Variants in PTPRN2 observed in about 807,000 individuals in gnomAD.
PTPRN2 encodes the protein receptor-type tyrosine-protein phosphatase N2.
PTPRN2 carries 74 observed loss-of-function variants against 118.8 expected under a neutral mutation model. The observed-to-expected ratio is 0.62, with a 90% CI of 0.52 to 0.76. The LOEUF (loss-of-function observed/expected upper bound fraction) is 0.76, where lower values mean the gene tolerates loss of function less well. Ranked by LOEUF, PTPRN2 falls within the 30% of genes least tolerant of loss-of-function variation. The probability of loss-of-function intolerance (pLI) is 0.00; values close to 1 mark genes in which losing one functional copy is unlikely to be tolerated. For missense variants in PTPRN2, 1,481 were observed against 1,394.4 expected (o/e 1.06, Z -0.99); for synonymous variants, 641 against 608.0 (o/e 1.05, Z -0.80).
intron 12 of PTPRN2, among the ~76,000 whole-genome samples, chr7:157,848,844 G>A (rs1324917117): frequency 1.3e-5 from 2 of 152,226 alleles, no homozygotes; most frequent in African/African-American, 2.4e-5. Context: ...CAGCCCCGAC[G>A]CCTCTGCAGT....
At chr7:158,269,794 A>T (rs1190050445) in intron 3 of PTPRN2, among the ~76,000 whole-genome samples, 1 of 152,098 alleles carries the variant, frequency 6.6e-6, no homozygotes, top group Non-Finnish European at 1.5e-5. Flanking sequence ...AGACAAAGGG[A>T]GCAGGAGAGG....
intron 2 of PTPRN2, among the ~76,000 whole-genome samples, chr7:158,366,541 A>C (rs1809540743): frequency 6.6e-6 from 1 of 152,190 alleles, no homozygotes; most frequent in African/African-American, 2.4e-5. Flanking sequence ...GGAGATAATG[A>C]GGAATCGCCA....
chr7:158,342,582 C>T (rs1349482416), intron 2 of PTPRN2, among the ~76,000 whole-genome samples: 3 of 151,902 alleles, frequency 2.0e-5, no homozygotes, highest in Non-Finnish European at 4.4e-5. Context: ...CTGCAGACGT[C>T]GCTCACACCC....
intron 2 of PTPRN2, among the ~76,000 whole-genome samples, chr7:158,414,162 T>C (rs963415950): frequency 3.4e-5 from 5 of 148,898 alleles, no homozygotes; most frequent in African/African-American, 1.0e-4. Flanking sequence ...ACCAAGTGAG[T>C]ACCGTGCACT....
intron 1 of PTPRN2, among the ~76,000 whole-genome samples, chr7:158,539,101 A>G (rs1406622614): frequency 6.6e-6 from 1 of 152,220 alleles, no homozygotes; most frequent in African/African-American, 2.4e-5. Context: ...CAGCCAGCAC[A>G]GCCTGCAACG....
intron 1 of PTPRN2, among the ~76,000 whole-genome samples, chr7:158,539,111 G>A (rs915248798): frequency 6.6e-6 from 1 of 152,138 alleles, no homozygotes; most frequent in African/African-American, 2.4e-5. Flanking sequence ...AGCCTGCAAC[G>A]ACCACACTGG....
At chr7:158,190,815 C>T (rs905473452) in intron 5 of PTPRN2, among the ~76,000 whole-genome samples, 10 of 152,370 alleles carry the variant, frequency 6.6e-5, no homozygotes, top group African/African-American at 7.2e-5. Context: ...GTTTGGCGGC[C>T]GTGGACAGAC....
intron 2 of PTPRN2, among the ~76,000 whole-genome samples, chr7:158,445,024 C>G (rs1817628759): frequency 6.6e-6 from 1 of 152,242 alleles, no homozygotes; most frequent in Non-Finnish European, 1.5e-5. Context: ...AGACCTGCCA[C>G]CGTGACTTCT....
chr7:157,626,596 C>T (rs1404046884), intron 14 of PTPRN2, among the ~76,000 whole-genome samples: 6 of 152,170 alleles, frequency 3.9e-5, no homozygotes, highest in African/African-American at 7.2e-5. Flanking sequence ...CTGTGGCATT[C>T]GTCACATTCT....
At chr7:158,316,080 A>C (rs1311852531) in intron 3 of PTPRN2, among the ~76,000 whole-genome samples, 2 of 152,186 alleles carry the variant, frequency 1.3e-5, no homozygotes, top group Non-Finnish European at 2.9e-5. Context: ...ACATGACATC[A>C]TTCCCCGAGG....
chr7:157,673,353 C>G (rs1796504184), intron 13 of PTPRN2, among the ~76,000 whole-genome samples: 1 of 152,218 alleles, frequency 6.6e-6, no homozygotes, highest in Non-Finnish European at 1.5e-5. Flanking sequence ...CAGTAATTCT[C>G]CCAAAGCAGA....
At chr7:157,821,480 G>C (rs1046247235) in intron 12 of PTPRN2, among the ~76,000 whole-genome samples, 2 of 152,208 alleles carry the variant, frequency 1.3e-5, no homozygotes, top group Non-Finnish European at 2.9e-5. Flanking sequence ...GCCTGAGAAA[G>C]AGCAGCCAGA....
At chr7:158,365,526 C>G (rs548611382) in intron 2 of PTPRN2, among the ~76,000 whole-genome samples, 17 of 152,346 alleles carry the variant, frequency 1.1e-4, no homozygotes, top group Admixed American at 8.5e-4. Flanking sequence ...GGAAACAGCA[C>G]GTGCTCCAGC....
intron 11 of PTPRN2, among the ~76,000 whole-genome samples, chr7:157,922,327 G>A (rs750732306): frequency 9.2e-5 from 14 of 152,144 alleles, no homozygotes; most frequent in Non-Finnish European, 1.8e-4. Context: ...TTTCCTGGGC[G>A]ATGGGGCCAG....
intron 22 of PTPRN2, among the ~76,000 whole-genome samples, chr7:157,546,194 T>C (rs375122195): frequency 6.6e-6 from 1 of 152,234 alleles, no homozygotes; most frequent in East Asian, 1.9e-4. Flanking sequence ...TTATCTGGAG[T>C]GCAGAAAACG....
At chr7:158,540,613 C>T (rs959116061) in intron 1 of PTPRN2, among the ~76,000 whole-genome samples, 2 of 152,178 alleles carry the variant, frequency 1.3e-5, no homozygotes, top group African/African-American at 4.8e-5. Flanking sequence ...GACAGCAGAG[C>T]GTCACCACCC....
intron 3 of PTPRN2, among the ~76,000 whole-genome samples, chr7:158,255,068 G>T (rs1796939993): frequency 6.6e-6 from 1 of 152,164 alleles, no homozygotes; most frequent in Non-Finnish European, 1.5e-5. Flanking sequence ...TCTTTGTATA[G>T]AGGTTCCTGT....
intron 11 of PTPRN2, among the ~76,000 whole-genome samples, chr7:158,077,611 C>A (rs1015688093): frequency 2.0e-5 from 3 of 150,650 alleles, no homozygotes; most frequent in Non-Finnish European, 4.4e-5. Context: ...TCCGTGGCGC[C>A]CGAGAGGGAA....
Position 157,540,014 on chromosome 7 carries a change from G to A in PTPRN2, c.*700C>T, listed in dbSNP as rs139630979. On this transcript the variant is annotated 3_prime_UTR_variant, in exon 23 of 23. Transcript: ENST00000389418. ...GGGGTGCATCTGTAACTTTGCAAAG[G>A]TGAGGTCAGGGGAGTGCCAGCCTCA... 1 of 152,348 alleles carries A rather than the reference G, an allele frequency of 6.6e-6. No individual in the cohort carries two copies. The highest frequency in any genetic ancestry group is 1.5e-5 in the Non-Finnish European group (1 of 68,034). 9.4% of individuals were successfully genotyped at this position (152,348 alleles called of 1,614,324 possible).
Sources: gnomAD v4.1 joint callset for allele counts (sites outside exome capture counted in the v4.1 genomes callset) on GRCh38, gnomAD v4.1.1 for gene constraint, MANE v1.5 for transcripts, NCBI Gene and HGNC (gene_info 2026-07-23, HGNC 2026-07-21) for gene names.